GRM5: variants seen among roughly 807,000 people sequenced by gnomAD.
The protein encoded by GRM5 is metabotropic glutamate receptor 5.
GRM5 carries 19 observed loss-of-function variants against 83.1 expected under a neutral mutation model. That is an observed-to-expected ratio of 0.23 (90% CI 0.16 to 0.34). The LOEUF is 0.34. Among genes scored for constraint, GRM5 ranks in the 10% least tolerant of loss-of-function variants. The pLI is 1.00. For missense variants in GRM5, 1,160 were observed against 1,588.3 expected (o/e 0.73, Z 4.58); for synonymous variants, 675 against 633.6 (o/e 1.07, Z -0.98).
intron 2 of GRM5, among the ~76,000 whole-genome samples, chr11:88,872,686 G>C (rs532595109): frequency 6.6e-6 from 1 of 151,208 alleles, no homozygotes; most frequent in South Asian, 2.1e-4. Context: ...GCATCTCTGG[G>C]AATTTAGAGA....
intron 2 of GRM5, among the ~76,000 whole-genome samples, chr11:88,916,474 T>C (rs475872): frequency 0.98 from 148,711 of 152,152 alleles, 72,764 homozygotes; most frequent in East Asian, 1. Context: ...TTAGACCAGC[T>C]CTAGTCAAAG....
intron 3 of GRM5, among the ~76,000 whole-genome samples, chr11:88,811,837 G>A (rs1943593771): frequency 6.6e-6 from 1 of 151,846 alleles, no homozygotes; most frequent in Non-Finnish European, 1.5e-5. Context: ...CTCTTCCAGG[G>A]GTACCATGCG....
intron 3 of GRM5, among the ~76,000 whole-genome samples, chr11:88,741,165 A>C (rs569641491): frequency 6.6e-6 from 1 of 152,224 alleles, no homozygotes; most frequent in East Asian, 1.9e-4. Context: ...GATGAAAATA[A>C]CAAATATCAG....
intron 4 of GRM5, among the ~76,000 whole-genome samples, chr11:88,606,941 G>GTTTT (rs36065663): frequency 2.3e-5 from 3 of 128,230 alleles, no homozygotes; most frequent in African/African-American, 8.4e-5. Flanking sequence ...TAAGAAAGGT[G>GTTTT]TTTTTTTTTT....
intron 8 of GRM5, among the ~76,000 whole-genome samples, chr11:88,530,471 T>G (rs1941982069): frequency 6.6e-6 from 1 of 152,084 alleles, no homozygotes; most frequent in Non-Finnish European, 1.5e-5. Flanking sequence ...TTCTTGTACC[T>G]TCTTTGTCCA....
intron 6 of GRM5, among the ~76,000 whole-genome samples, chr11:88,594,340 CT>C (rs1285729533): frequency 2.6e-5 from 4 of 151,912 alleles, no homozygotes; most frequent in African/African-American, 2.4e-5. Context: ...TGTTAGCAAA[CT>C]TTTTTTTGTA....
At chr11:88,891,515 G>A (rs1177151167) in intron 2 of GRM5, among the ~76,000 whole-genome samples, 1 of 150,324 alleles carries the variant, frequency 6.7e-6, no homozygotes. Context: ...AATCACATTG[G>A]GATTGCCAAA....
At chr11:88,702,699 T>C (rs764779437) in intron 3 of GRM5, among the ~76,000 whole-genome samples, 2 of 152,064 alleles carry the variant, frequency 1.3e-5, no homozygotes, top group Admixed American at 6.6e-5. Flanking sequence ...TGTAATCATA[T>C]ATGGAGATAA....
intron 2 of GRM5, among the ~76,000 whole-genome samples, chr11:88,922,733 A>T (rs999289364): frequency 6.6e-6 from 1 of 152,174 alleles, no homozygotes; most frequent in African/African-American, 2.4e-5. Context: ...AAAGGGGATC[A>T]TATCAAGTTA....
At chr11:88,797,132 T>C (rs1238905398) in intron 3 of GRM5, among the ~76,000 whole-genome samples, 2 of 151,872 alleles carry the variant, frequency 1.3e-5, no homozygotes, top group African/African-American at 4.8e-5. Context: ...TTACTTGTTG[T>C]TGTTGTTTGT....
chr11:88,996,313 T>C (rs1337921645), intron 2 of GRM5, among the ~76,000 whole-genome samples: 1 of 152,208 alleles, frequency 6.6e-6, no homozygotes, highest in Non-Finnish European at 1.5e-5. Context: ...TGAGCACTTC[T>C]GAAGAGAAGA....
intron 8 of GRM5, among the ~76,000 whole-genome samples, chr11:88,534,960 C>T (rs1942101178): frequency 1.3e-5 from 2 of 152,174 alleles, no homozygotes; most frequent in African/African-American, 4.8e-5. Flanking sequence ...TCTTTGCCTG[C>T]TGCCATCCTT....
rs147135169 is a variant in GRM5, at chr11:88,919,238, C to CTATATATATATATATATATATATA, written c.662-69084_662-69083insTATATATATATATATATATATATA. 3.3e-3 allele frequency among the ~76,000 whole-genome samples: 106 copies of CTATATATATATATATATATATATA among 32,360 alleles called. 25 individuals carry two copies. The highest frequency in any genetic ancestry group is 7.2e-3 in the Non-Finnish European group (45 of 6,274). The allele number at this position is 32,360 out of a possible 152,430, so 21.2% of individuals were successfully genotyped here. On this transcript the variant is annotated intron_variant, in intron 2 of 9. Transcript: ENST00000305447. Reference sequence around the variant, plus strand: ...GGCATTCGAAGAACAGCAGGAGTAGCTATATATATATATATATATCGGATA... The same window carrying CTATATATATATATATATATATATA: ...GGCATTCGAAGAACAGCAGGAGTAGCTATATATATATATATATATATATATATATATATATATATATATCGGATA...
intron 3 of GRM5, among the ~76,000 whole-genome samples, chr11:88,776,242 A>G (rs1591507518): frequency 1.3e-5 from 2 of 152,090 alleles, no homozygotes; most frequent in South Asian, 2.1e-4. Flanking sequence ...AGTCTGTTTT[A>G]TCATAGAATA....
At chr11:88,777,069 G>T (rs1048595611) in intron 3 of GRM5, among the ~76,000 whole-genome samples, 1 of 152,152 alleles carries the variant, frequency 6.6e-6, no homozygotes. Flanking sequence ...CTCACTTTCA[G>T]GTACACCAAT....
chr11:88,983,116 CT>C (rs1330286153), intron 2 of GRM5, among the ~76,000 whole-genome samples: 11 of 152,172 alleles, frequency 7.2e-5, no homozygotes, highest in African/African-American at 9.7e-5. Flanking sequence ...ATATAGCCTC[CT>C]TTTTCAATGT....
At chr11:88,823,429 G>T (rs1370184044) in intron 3 of GRM5, among the ~76,000 whole-genome samples, 3 of 151,482 alleles carry the variant, frequency 2.0e-5, no homozygotes, top group Non-Finnish European at 4.4e-5. Context: ...AGTATTTTAA[G>T]TTTACTGGTT....
chr11:88,756,406 A>C (rs182786154), intron 3 of GRM5, among the ~76,000 whole-genome samples: 65 of 152,276 alleles, frequency 4.3e-4, no homozygotes, highest in African/African-American at 1.3e-3. Flanking sequence ...CTGTGCTGTC[A>C]TATTCAGTCA....
At chr11:88,924,569 A>G (rs1425176730) in intron 2 of GRM5, among the ~76,000 whole-genome samples, 1 of 152,130 alleles carries the variant, frequency 6.6e-6, no homozygotes, top group Non-Finnish European at 1.5e-5. Context: ...TAGATACTGC[A>G]TGATCTCACT....
Sources: allele counts gnomAD v4.1 joint callset (sites outside exome capture counted in the v4.1 genomes callset), GRCh38; gene constraint gnomAD v4.1.1; transcripts MANE v1.5; gene names NCBI Gene and HGNC (gene_info 2026-07-23, HGNC 2026-07-21).